ADCY5: variants seen among roughly 807,000 people sequenced by gnomAD.
ADCY5 encodes adenylate cyclase 5.
In ADCY5, 30 loss-of-function variants were observed where a neutral mutation model predicts 119.7. That is an observed-to-expected ratio of 0.25 (90% CI 0.19 to 0.34). The LOEUF (loss-of-function observed/expected upper bound fraction) is 0.34. Ranked by LOEUF, ADCY5 falls within the 10% of genes least tolerant of loss-of-function variation. The probability of loss-of-function intolerance (pLI) is 1.00; values close to 1 mark genes in which losing one functional copy is unlikely to be tolerated. For synonymous variants in ADCY5, 753 were observed against 762.2 expected (o/e 0.99, Z 0.20); for missense variants, 1,324 against 1,775.2 (o/e 0.75, Z 4.57).
At chr3:123,349,990 T>C (rs145745446) in intron 2 of ADCY5, among the ~76,000 whole-genome samples, 7,695 of 152,276 alleles carry the variant, frequency 0.051, 235 homozygotes, top group African/African-American at 0.061. Flanking sequence ...GACTCCTCCC[T>C]GCCCTTCCAC....
Position 123,319,453 on chromosome 3 carries a change from T to C in ADCY5, c.2256+221A>G, listed in dbSNP as rs574839740. ...ATGTTAACTGTCCCCATTTTCCAGA[T>C]AATGAAACGAAGGCACAGAGAAGTC... On this transcript the variant is annotated intron_variant, in intron 10 of 20. Coordinates refer to ENST00000462833, the MANE Select transcript of ADCY5 (RefSeq NM_183357.3). Among the ~76,000 whole-genome samples, 14 of 152,162 alleles carry C rather than the reference T, an allele frequency of 9.2e-5. No homozygotes were observed. The East Asian group carries it at 2.7e-3, about 29-fold the overall frequency.
intron 1 of ADCY5, among the ~76,000 whole-genome samples, chr3:123,355,081 AC>A (rs1942988267): frequency 6.6e-6 from 1 of 152,242 alleles, no homozygotes; most frequent in African/African-American, 2.4e-5. Context: ...CTCCTATTCA[AC>A]ATCACACTGG....
chr3:123,398,080 C>T (rs748011992), intron 1 of ADCY5, among the ~76,000 whole-genome samples: 5 of 152,206 alleles, frequency 3.3e-5, no homozygotes, highest in Non-Finnish European at 7.3e-5. Flanking sequence ...TACTCTACTG[C>T]CTCAGCCCTG....
intron 1 of ADCY5, among the ~76,000 whole-genome samples, chr3:123,429,737 C>T (rs924232957): frequency 6.6e-6 from 1 of 152,218 alleles, no homozygotes; most frequent in African/African-American, 2.4e-5. Context: ...GCATGGGCTG[C>T]ATATGCACCA....
chr3:123,289,237 T>C (rs1938979907), intron 19 of ADCY5, among the ~76,000 whole-genome samples: 1 of 152,278 alleles, frequency 6.6e-6, no homozygotes, highest in African/African-American at 2.4e-5. Flanking sequence ...TGTTTATACA[T>C]TGTGTATTTA....
chr3:123,412,408 G>A lies in ADCY5; in HGVS notation c.1134+35004C>T, dbSNP rs189042132. On this transcript the variant is annotated intron_variant, in intron 1 of 20. Coordinates refer to ENST00000462833, the MANE Select transcript of ADCY5 (RefSeq NM_183357.3). Reference sequence around the variant, plus strand: ...CAACTCTGAATAGATGCCAGACAACGCAACCACTGTGTCCTCCAAAAGCCG... The same window carrying A: ...CAACTCTGAATAGATGCCAGACAACACAACCACTGTGTCCTCCAAAAGCCG... 2.6e-3 allele frequency among the ~76,000 whole-genome samples: 402 copies of A among 152,306 alleles called. 8 individuals carry two copies. Among genetic ancestry groups the A allele is most frequent in the Admixed American group, 0.023 (349 of 15,298 alleles).
chr3:123,408,078 GA>G (rs1944949755), intron 1 of ADCY5, among the ~76,000 whole-genome samples: 1 of 152,086 alleles, frequency 6.6e-6, no homozygotes, highest in Admixed American at 6.5e-5. Flanking sequence ...CACATAAAAA[GA>G]AATATCAGAG....
At chr3:123,386,437 C>G (rs1228655978) in intron 1 of ADCY5, among the ~76,000 whole-genome samples, 1 of 152,238 alleles carries the variant, frequency 6.6e-6, no homozygotes, top group Admixed American at 6.5e-5. Flanking sequence ...TATGTGCTCT[C>G]TGGAAGGAAC....
chr3:123,347,912 G>A lies in ADCY5; in HGVS notation c.1285-9C>T. ...GACAGCAGGAGCCGTTCCTGCAGAG[G>A]GAAGCACATGCTTTCATCACCACGC... On this transcript the variant is annotated splice_polypyrimidine_tract_variant and intron_variant, in intron 2 of 20. Transcript: ENST00000462833. The A allele has an allele frequency of 1.9e-6, 3 of 1,614,066 alleles. No individual in the cohort carries two copies. The highest frequency in any genetic ancestry group is 1.1e-5 in the South Asian group (1 of 91,072).
intron 1 of ADCY5, among the ~76,000 whole-genome samples, chr3:123,356,999 C>T (rs1943062133): frequency 6.6e-6 from 1 of 150,766 alleles, no homozygotes; most frequent in Middle Eastern, 3.4e-3. Context: ...ACTCAAAAGC[C>T]TACAGACCAT....
intron 1 of ADCY5, among the ~76,000 whole-genome samples, chr3:123,358,668 A>T (rs1229302367): frequency 6.6e-6 from 1 of 152,164 alleles, no homozygotes; most frequent in African/African-American, 2.4e-5. Flanking sequence ...GACAAGGTCC[A>T]GGGGGTCCCA....
intron 2 of ADCY5, among the ~76,000 whole-genome samples, chr3:123,349,181 T>TC (rs562889569): frequency 2.0e-3 from 311 of 152,292 alleles, no homozygotes; most frequent in Middle Eastern, 6.8e-3. Context: ...ACACTCGCTT[T>TC]CCCACATTGT....
At chr3:123,441,703 C>T (rs761732284) in intron 1 of ADCY5, among the ~76,000 whole-genome samples, 9 of 152,198 alleles carry the variant, frequency 5.9e-5, no homozygotes, top group Admixed American at 2.0e-4. Flanking sequence ...CTCTCAAATG[C>T]TCTCTCAGAA....
chr3:123,385,308 C>CACACACAT (rs146236659), intron 1 of ADCY5, among the ~76,000 whole-genome samples: 158 of 147,332 alleles, frequency 1.1e-3, no homozygotes, highest in East Asian at 4.7e-3. Context: ...CACACACACA[C>CACACACAT]ACGCACGCAC....
chr3:123,324,033 G>C (rs1941353065), intron 8 of ADCY5, among the ~76,000 whole-genome samples: 1 of 152,082 alleles, frequency 6.6e-6, no homozygotes, highest in Non-Finnish European at 1.5e-5. Flanking sequence ...CCAGGTCTGT[G>C]GACATTCAAG....
rs370906573 is a variant in ADCY5, at chr3:123,308,223, C to G, written c.2443-4040G>C. Among the ~76,000 whole-genome samples the G allele has an allele frequency of 6.6e-5, 10 of 151,598 alleles. No homozygotes were observed. The East Asian group carries it at 1.6e-3, about 24-fold the overall frequency. On this transcript the variant is annotated intron_variant, in intron 12 of 20. Coordinates refer to ENST00000462833, the MANE Select transcript of ADCY5 (RefSeq NM_183357.3). ...TAATTTTGTTTTTGTATTTTCAGTA[C>G]AGACAGGGTTTCACTGTGTTAGCCA...
At chr3:123,330,210 G>A (rs1486453431) in intron 5 of ADCY5, among the ~76,000 whole-genome samples, 2 of 152,166 alleles carry the variant, frequency 1.3e-5, no homozygotes, top group Admixed American at 6.5e-5. Context: ...AGCCACTCCC[G>A]CCTCTGACCT....
At chr3:123,337,131 A>G (rs1942062842) in intron 3 of ADCY5, among the ~76,000 whole-genome samples, 3 of 152,074 alleles carry the variant, frequency 2.0e-5, no homozygotes, top group African/African-American at 7.2e-5. Context: ...CTTCTCCACC[A>G]TATTTTTCTC....
chr3:123,410,028 G>A (rs1455822010), intron 1 of ADCY5, among the ~76,000 whole-genome samples: 1 of 152,196 alleles, frequency 6.6e-6, no homozygotes, highest in African/African-American at 2.4e-5. Context: ...TTCCCCAACT[G>A]AGACCTGTGT....
Sources: allele counts gnomAD v4.1 joint callset (sites outside exome capture counted in the v4.1 genomes callset), GRCh38; gene constraint gnomAD v4.1.1; transcripts MANE v1.5; gene names NCBI Gene and HGNC (gene_info 2026-07-23, HGNC 2026-07-21).